Variants in SOX6 observed in about 807,000 individuals in gnomAD.
SOX6 encodes transcription factor SOX-6.
In SOX6, 11 loss-of-function variants were observed where a neutral mutation model predicts 97.8. The observed-to-expected ratio is 0.11, with a 90% CI of 0.07 to 0.19. SOX6 has a LOEUF of 0.19. SOX6 is among the 10% of genes least tolerant of loss of function. The pLI is 1.00. For synonymous variants in SOX6, 360 were observed against 371.4 expected (o/e 0.97, Z 0.35); for missense variants, 810 against 1,039.5 (o/e 0.78, Z 3.04).
chr11:16,192,810 T>C (rs1225616848), intron 4 of SOX6, among the ~76,000 whole-genome samples: 2 of 152,178 alleles, frequency 1.3e-5, no homozygotes, highest in Non-Finnish European at 2.9e-5. Context: ...TCACAAAAGT[T>C]AGCACTACAG....
At chr11:16,642,879 G>T (rs1848943122) in intron 3 of SOX6, among the ~76,000 whole-genome samples, 1 of 152,134 alleles carries the variant, frequency 6.6e-6, no homozygotes, top group South Asian at 2.1e-4. Flanking sequence ...TTAGCTCAGA[G>T]AAGTTTGATC....
chr11:16,039,189 A>G (rs1855593240), intron 12 of SOX6, among the ~76,000 whole-genome samples: 2 of 151,950 alleles, frequency 1.3e-5, no homozygotes, highest in Non-Finnish European at 2.9e-5. Context: ...TCTCCTCTCT[A>G]TTTAGTTTTT....
intron 3 of SOX6, among the ~76,000 whole-genome samples, chr11:16,674,882 C>T (rs970887100): frequency 1.3e-5 from 2 of 152,094 alleles, no homozygotes; most frequent in Non-Finnish European, 2.9e-5. Flanking sequence ...ACCTAGGAGG[C>T]AGAGGAAGGT....
chr11:16,268,429 C>T (rs944538233), intron 3 of SOX6, among the ~76,000 whole-genome samples: 3 of 150,990 alleles, frequency 2.0e-5, no homozygotes, highest in African/African-American at 7.3e-5. Flanking sequence ...GAGTTTAGAG[C>T]AAAAACTATT....
intron 1 of SOX6, among the ~76,000 whole-genome samples, chr11:16,466,951 A>C (rs1055429784): frequency 1.3e-5 from 2 of 150,780 alleles, no homozygotes; most frequent in East Asian, 1.9e-4. Flanking sequence ...AAAAAAAAAA[A>C]AAACAACTCC....
In SOX6 at chr11:16,701,692, T is replaced by C. The variant is rs184819916; in HGVS notation, n.429+13138A>G. Among the ~76,000 whole-genome samples the C allele has an allele frequency of 2.1e-3, 308 of 146,956 alleles. 2 individuals carry two copies. Among genetic ancestry groups the C allele is most frequent in the African/African-American group, 7.4e-3 (297 of 40,118 alleles). On this transcript the variant is annotated intron_variant and non_coding_transcript_variant, in intron 3 of 5. Coordinates refer to the SOX6 transcript ENST00000524520. ...TAACATGGTGAAACCCCGTCTCCAC[T>C]AAAAATACAAAAAATTAGCCAGGCG...
intron 4 of SOX6, among the ~76,000 whole-genome samples, chr11:16,588,999 C>T (rs1274691028): frequency 6.6e-6 from 1 of 152,170 alleles, no homozygotes; most frequent in Admixed American, 6.5e-5. Flanking sequence ...ACTCCAGCCT[C>T]TGTGACAGAG....
chr11:16,584,532 C>T (rs1187605760), intron 4 of SOX6, among the ~76,000 whole-genome samples: 2 of 152,160 alleles, frequency 1.3e-5, no homozygotes, highest in Non-Finnish European at 2.9e-5. Flanking sequence ...GCTACAGCTA[C>T]TGTCCTTTTT....
At position 16,682,896 on chromosome 11, in the gene SOX6, G is replaced by A. The variant is rs188805305; in HGVS notation, n.429+31934C>T. 1.3e-3 allele frequency among the ~76,000 whole-genome samples: 196 copies of A among 152,226 alleles called. 3 individuals are homozygous for A. Among genetic ancestry groups the A allele is most frequent in the Admixed American group, 0.012 (177 of 15,286 alleles). On this transcript the variant is annotated intron_variant and non_coding_transcript_variant, in intron 3 of 5. Coordinates refer to the SOX6 transcript ENST00000524520. ...ATAAGCAACTTCAGCAAAGTCTCAGGATACAAAATCAATGTACAAAAATCA... is the reference window on the plus strand; with the variant it reads ...ATAAGCAACTTCAGCAAAGTCTCAGAATACAAAATCAATGTACAAAAATCA...
chr11:16,286,951 G>T (rs1483137096), intron 3 of SOX6, among the ~76,000 whole-genome samples: 1 of 151,600 alleles, frequency 6.6e-6, no homozygotes, highest in Non-Finnish European at 1.5e-5. Context: ...TTTTGTGTAG[G>T]TTTGAAAATT....
chr11:16,624,515 T>C (rs1008563366), intron 3 of SOX6, among the ~76,000 whole-genome samples: 2 of 152,188 alleles, frequency 1.3e-5, no homozygotes, highest in Non-Finnish European at 2.9e-5. Flanking sequence ...TATGTATATA[T>C]GACCATTTAT....
chr11:16,566,977 T>C (rs983847613), intron 4 of SOX6, among the ~76,000 whole-genome samples: 2 of 152,222 alleles, frequency 1.3e-5, no homozygotes, highest in African/African-American at 4.8e-5. Context: ...TATCATGGAA[T>C]ATTATTCAGT....
intron 6 of SOX6, among the ~76,000 whole-genome samples, chr11:16,179,084 C>T (rs1377541702): frequency 6.6e-6 from 1 of 151,904 alleles, no homozygotes; most frequent in Non-Finnish European, 1.5e-5. Flanking sequence ...GATCTTTAGA[C>T]AACTACTTCA....
chr11:16,168,796 G>T (rs1314993117), intron 6 of SOX6, among the ~76,000 whole-genome samples: 1 of 151,974 alleles, frequency 6.6e-6, no homozygotes, highest in East Asian at 1.9e-4. Context: ...GGAAATTATG[G>T]TTTTTTTGCT....
intron 3 of SOX6, among the ~76,000 whole-genome samples, chr11:16,663,703 A>G (rs1847783734): frequency 6.6e-6 from 1 of 152,238 alleles, no homozygotes; most frequent in African/African-American, 2.4e-5. Context: ...TAATATTTGA[A>G]AACTAAAGGA....
At chr11:16,594,753 T>C (rs555360056) in intron 4 of SOX6, among the ~76,000 whole-genome samples, 5 of 127,370 alleles carry the variant, frequency 3.9e-5, no homozygotes, top group Non-Finnish European at 6.3e-5. Flanking sequence ...TGCAGTGGCG[T>C]GATCTCGGCT....
chr11:16,066,468 A>T (rs924218742), intron 9 of SOX6, among the ~76,000 whole-genome samples: 1 of 152,244 alleles, frequency 6.6e-6, no homozygotes, highest in African/African-American at 2.4e-5. Context: ...TTATTGCAGC[A>T]CTGTTTGCAA....
intron 3 of SOX6, among the ~76,000 whole-genome samples, chr11:16,612,603 G>T (rs1036401714): frequency 1.3e-5 from 2 of 151,582 alleles, no homozygotes; most frequent in Non-Finnish European, 2.9e-5. Flanking sequence ...GGAGTGGGGG[G>T]ATGGCGATGA....
At chr11:16,187,373 T>C (rs1851508666) in intron 4 of SOX6, among the ~76,000 whole-genome samples, 1 of 152,114 alleles carries the variant, frequency 6.6e-6, no homozygotes, top group Non-Finnish European at 1.5e-5. Context: ...ACATAGTAGG[T>C]GCTTAATAAA....
Sources: gnomAD v4.1 joint callset for allele counts (sites outside exome capture counted in the v4.1 genomes callset) on GRCh38, gnomAD v4.1.1 for gene constraint, MANE v1.5 for transcripts, NCBI Gene and HGNC (gene_info 2026-07-23, HGNC 2026-07-21) for gene names.